Variants in COL27A1 observed in about 807,000 individuals in gnomAD.
COL27A1 encodes the protein collagen alpha-1(XXVII) chain.
Under a neutral mutation model 251.3 loss-of-function variants are expected in COL27A1, and 106 were observed. The ratio of observed to expected loss-of-function variants is 0.42; its 90% CI spans 0.36 to 0.50. The LOEUF is 0.50. COL27A1 is among the 20% of genes least tolerant of loss of function. The pLI is 0.00. For synonymous variants in COL27A1, 1,000 were observed against 986.3 expected, an observed-to-expected ratio of 1.01 and a Z score of -0.26; for missense variants, 2,325 against 2,522.8, an observed-to-expected ratio of 0.92 and a Z score of 1.68.
intron 31 of COL27A1, 116 bp downstream of exon 31, chr9:114,265,226 C>G (rs1834655121): frequency 8.2e-7 from 1 of 1,216,366 alleles, no homozygotes; most frequent in South Asian, 1.3e-5. Flanking sequence ...GTGGAAACCC[C>G]GCAGGTTCTG....
chr9:114,277,037 C>G (rs1835555031), intron 37 of COL27A1, among the ~76,000 whole-genome samples: 1 of 152,160 alleles, frequency 6.6e-6, no homozygotes, highest in Non-Finnish European at 1.5e-5. Context: ...GCATACTGCC[C>G]CTGTGCTCTG....
chr9:114,184,008 A>G (rs1013040706), intron 5 of COL27A1, among the ~76,000 whole-genome samples: 1 of 152,164 alleles, frequency 6.6e-6, no homozygotes, highest in African/African-American at 2.4e-5. Flanking sequence ...AGCCAGCAAC[A>G]TTTAGGTCAT....
chr9:114,200,932 G>A (rs1346149412), intron 7 of COL27A1, among the ~76,000 whole-genome samples: 1 of 152,152 alleles, frequency 6.6e-6, no homozygotes, highest in African/African-American at 2.4e-5. Flanking sequence ...TGGAGCCTCG[G>A]TGGACAGCCG....
intron 28 of COL27A1, among the ~76,000 whole-genome samples, chr9:114,261,877 GGATAACAGCTTTCACT>G (rs1315377069): frequency 1.3e-5 from 2 of 152,218 alleles, no homozygotes; most frequent in East Asian, 3.8e-4. Context: ...TGTGAAAGGA[GGATAACAGCTTTCACT>G]GCTCCTGCGG....
At position 114,308,876 on chromosome 9, in the gene COL27A1, C is replaced by T. The variant is rs185325703; in HGVS notation, c.5218-384C>T. ...GGATCTTGGGACTTAGGAAGGGTCT[C>T]GAAAACACCTCTCATTTCCTCTGCA... On this transcript the variant is annotated intron_variant, in intron 59 of 60. Coordinates refer to ENST00000356083, the MANE Select transcript of COL27A1 (RefSeq NM_032888.4). Among the ~76,000 whole-genome samples the T allele has an allele frequency of 1.1e-3, 163 of 152,314 alleles. 2 individuals carry two copies. The Middle Eastern group carries it at 0.014, about 13-fold the overall frequency.
chr9:114,232,837 C>T (rs567804171), intron 16 of COL27A1, among the ~76,000 whole-genome samples: 1 of 152,360 alleles, frequency 6.6e-6, no homozygotes, highest in South Asian at 2.1e-4. Context: ...CTTTGGGAGG[C>T]CAAGGCGGGC....
Position 114,288,457 on chromosome 9 carries a change from G to A in COL27A1, c.3990G>A (p.Gly1330=), listed in dbSNP as rs748905535. 1 of 1,610,058 alleles carries A rather than the reference G, an allele frequency of 6.2e-7. No homozygotes were observed. The highest frequency in any genetic ancestry group is 1.1e-5 in the South Asian group (1 of 89,590). ...LGPPGPKGEK[G]EQGEDGKAEG... is the part of the protein sequence containing the mutation. ...TAAAGCTGGTTCTGTGTCCACAGGG[G>A]GAGCAGGGCGAGGACGGCAAGGCTG... The change falls in exon 42 of 61, where the codon GGG becomes GGA. Residue 1330 remains glycine (G), a splice_region_variant and synonymous_variant. Coordinates refer to ENST00000356083, the MANE Select transcript of COL27A1 (RefSeq NM_032888.4).
chr9:114,175,612 ACCCTGGG>A (rs1040605201), intron 3 of COL27A1, among the ~76,000 whole-genome samples: 4 of 152,122 alleles, frequency 2.6e-5, no homozygotes, highest in African/African-American at 9.7e-5. Context: ...ACCAGGCTGG[ACCCTGGG>A]TCCTGAGTGG....
At chr9:114,261,371 CG>C (rs1175973458) in intron 28 of COL27A1, among the ~76,000 whole-genome samples, 5 of 152,288 alleles carry the variant, frequency 3.3e-5, no homozygotes, top group East Asian at 1.9e-4. Context: ...GCAGGCGGGG[CG>C]GGGGTGGGCC....
chr9:114,273,384 C>T (rs1011436485), intron 36 of COL27A1: 2 of 152,264 alleles, frequency 1.3e-5, no homozygotes, highest in Admixed American at 6.5e-5. Context: ...CGCCTCAGCT[C>T]GGAGTCTTCT....
intron 34 of COL27A1, 43 bp downstream of exon 34, chr9:114,267,600 A>G (rs1834834602): frequency 6.4e-7 from 1 of 1,564,306 alleles, no homozygotes; most frequent in Non-Finnish European, 8.7e-7. Context: ...TGTTGAAACC[A>G]GCTCCCAGAT....
rs138966191 is a variant in COL27A1, at chr9:114,288,716, T to C, written c.4059T>C (p.Asp1353=). ...GPPGDRGPVG[D]RGDRGEPGDP... is the part of the protein sequence containing the mutation. ...TTGTCATTCAGGGCCCTGTGGGTGA[T>C]CGAGGAGACCGCGGGGAACCGGGAG... The change falls in exon 43 of 61, where the codon GAT becomes GAC. Residue 1353 remains aspartate, a synonymous_variant. Coordinates refer to ENST00000356083, the MANE Select transcript of COL27A1 (RefSeq NM_032888.4). 3.1e-6 allele frequency: 5 copies of C among 1,610,726 alleles called. No homozygotes were observed. Among genetic ancestry groups the C allele is most frequent in the Non-Finnish European group, 4.2e-6 (5 of 1,177,404 alleles).
chr9:114,199,240 AT>A (rs1829404264), intron 7 of COL27A1, among the ~76,000 whole-genome samples: 1 of 152,116 alleles, frequency 6.6e-6, no homozygotes, highest in Non-Finnish European at 1.5e-5. Flanking sequence ...ATTTTTGGCC[AT>A]TACCTACAAC....
chr9:114,154,926 A>G (rs2134969437), upstream of COL27A1, among the ~76,000 whole-genome samples: 1 of 152,194 alleles, frequency 6.6e-6, no homozygotes, highest in East Asian at 1.9e-4. This position sits in a 1 kb window ranked among gnomAD's most constrained non-coding sequence, Gnocchi z 5.8. Context: ...TGCAGCTCTT[A>G]GCTCCCGGAT....
Position 114,266,597 on chromosome 9 carries a change from T to C in COL27A1, c.3426T>C (p.Pro1142=), listed in dbSNP as rs1175669298. 6.2e-7 allele frequency: 1 copy of C among 1,613,588 alleles called. No individual in the cohort carries two copies. Among genetic ancestry groups the C allele is most frequent in the African/African-American group, 1.3e-5 (1 of 74,882 alleles). Residue 1142 remains proline, a synonymous_variant, in exon 33 of 61, where the codon CCT becomes CCC. Coordinates refer to ENST00000356083, the MANE Select transcript of COL27A1 (RefSeq NM_032888.4). ...GPQGPQGPIG[P]PGEMGPKGPP... ...AGGGACCCCAGGGGCCAATTGGGCC[T>C]CCAGGAGAGATGGGACCCAAGGTGA...
intron 19 of COL27A1, 116 bp downstream of exon 19, chr9:114,237,831 GA>G: frequency 2.5e-6 from 2 of 794,900 alleles, no homozygotes; most frequent in Non-Finnish European, 4.4e-6. Flanking sequence ...GGATATGAGA[GA>G]TGAGGCTGAG....
intron 27 of COL27A1, among the ~76,000 whole-genome samples, chr9:114,254,275 G>A (rs980368136): frequency 6.6e-6 from 1 of 151,812 alleles, no homozygotes. Context: ...GGCTCTCAAG[G>A]CAGAGTGGTG....
chr9:114,267,573 A>G lies in COL27A1; in HGVS notation c.3501+16A>G. The G allele has an allele frequency of 3.8e-6, 6 of 1,595,838 alleles. No homozygotes were observed. The highest frequency in any genetic ancestry group is 5.1e-6 in the Non-Finnish European group (6 of 1,172,498). On this transcript the variant is annotated intron_variant, in intron 34 of 60. Transcript: ENST00000356083. ...CGGGATGAAGGTGAGGTGGGATGAAAGAAGAGAAAAATGACTTGTTGAAAC... is the reference window on the plus strand; with the variant it reads ...CGGGATGAAGGTGAGGTGGGATGAAGGAAGAGAAAAATGACTTGTTGAAAC...
intron 59 of COL27A1, among the ~76,000 whole-genome samples, chr9:114,308,740 T>C (rs1829238976): frequency 1.3e-5 from 2 of 152,160 alleles, no homozygotes; most frequent in South Asian, 2.1e-4. Context: ...TCAGAAACAA[T>C]GGCAGGGAGA....
Sources: allele counts gnomAD v4.1 joint callset (sites outside exome capture counted in the v4.1 genomes callset), GRCh38; gene constraint gnomAD v4.1.1; non-coding constraint Gnocchi (gnomAD v3.1); transcripts MANE v1.5; gene names NCBI Gene and HGNC (gene_info 2026-07-23, HGNC 2026-07-21).